The following NXPH1 variants were observed in gnomAD, a reference collection of about 807,000 sequenced individuals.
NXPH1 encodes the protein neurexophilin-1.
Under a neutral mutation model 23.7 loss-of-function variants are expected in NXPH1, and 5 were observed. That is an observed-to-expected ratio of 0.21 (90% CI 0.11 to 0.44). NXPH1 has a LOEUF of 0.44. Among genes scored for constraint, NXPH1 ranks in the 20% least tolerant of loss-of-function variants. NXPH1 has a pLI of 0.99. For synonymous variants in NXPH1, 144 were observed against 122.2 expected (o/e 1.18, Z -1.18); for missense variants, 324 against 321.6 (o/e 1.01, Z -0.06).
intron 2 of NXPH1, among the ~76,000 whole-genome samples, chr7:8,623,494 A>G (rs1819920112): frequency 6.6e-6 from 1 of 152,040 alleles, no homozygotes; most frequent in African/African-American, 2.4e-5. Context: ...AAAAAGATAA[A>G]AGAAACAGAG....
intron 2 of NXPH1, among the ~76,000 whole-genome samples, chr7:8,483,682 C>A (rs1056304327): frequency 1.3e-5 from 2 of 152,162 alleles, no homozygotes; most frequent in Admixed American, 6.5e-5. Flanking sequence ...TAAATCATGT[C>A]AGAGTGGGGT....
chr7:8,712,439 ACTC>A (rs1303088349), intron 2 of NXPH1, among the ~76,000 whole-genome samples: 1 of 152,058 alleles, frequency 6.6e-6, no homozygotes, highest in Non-Finnish European at 1.5e-5. Context: ...AGTAGCTTAA[ACTC>A]CTTCAAAAAG....
intron 2 of NXPH1, among the ~76,000 whole-genome samples, chr7:8,726,621 T>A (rs1780059029): frequency 6.7e-6 from 1 of 150,276 alleles, no homozygotes; most frequent in African/African-American, 2.5e-5. Flanking sequence ...TTACTGAGAA[T>A]GATGATTTCC....
intron 2 of NXPH1, among the ~76,000 whole-genome samples, chr7:8,531,165 C>T (rs1405016583): frequency 6.6e-6 from 1 of 152,130 alleles, no homozygotes; most frequent in Non-Finnish European, 1.5e-5. Flanking sequence ...CCTATTAAGC[C>T]ATGTAAAGTG....
intron 2 of NXPH1, among the ~76,000 whole-genome samples, chr7:8,505,931 G>A (rs1310560386): frequency 6.6e-6 from 1 of 151,968 alleles, no homozygotes; most frequent in African/African-American, 2.4e-5. Flanking sequence ...ACAGAAATGG[G>A]CCCAGACACC....
At chr7:8,652,581 C>T (rs892840527) in intron 2 of NXPH1, among the ~76,000 whole-genome samples, 3 of 152,216 alleles carry the variant, frequency 2.0e-5, no homozygotes, top group South Asian at 4.1e-4. Flanking sequence ...TTTTGAGCAC[C>T]TACTATGTGC....
At chr7:8,664,130 C>A (rs751812464) in intron 2 of NXPH1, among the ~76,000 whole-genome samples, 2 of 152,060 alleles carry the variant, frequency 1.3e-5, no homozygotes, top group African/African-American at 2.4e-5. Flanking sequence ...TATTTCCACT[C>A]ATTTTCTTCT....
chr7:8,614,207 T>G (rs1411414668), intron 2 of NXPH1, among the ~76,000 whole-genome samples: 4 of 151,938 alleles, frequency 2.6e-5, no homozygotes, highest in Non-Finnish European at 4.4e-5. Context: ...TGTTGTTGTT[T>G]TTACAACTAT....
At chr7:8,695,736 C>CT (rs1821298935) in intron 2 of NXPH1, among the ~76,000 whole-genome samples, 1 of 152,106 alleles carries the variant, frequency 6.6e-6, no homozygotes, top group Admixed American at 6.5e-5. Flanking sequence ...GCACTCAAAA[C>CT]TTTTTTATAA....
chr7:8,623,796 A>G (rs61650449), intron 2 of NXPH1, among the ~76,000 whole-genome samples: 48,686 of 149,518 alleles, frequency 0.33, 9,198 homozygotes, highest in African/African-American at 0.51. Context: ...ATCTGTATCT[A>G]TATTTACATG....
intron 2 of NXPH1, among the ~76,000 whole-genome samples, chr7:8,572,874 A>G (rs1818676751): frequency 6.6e-6 from 1 of 151,996 alleles, no homozygotes; most frequent in African/African-American, 2.4e-5. Context: ...GGGTCATTTG[A>G]GAAGGTCTTA....
chr7:8,621,040 G>T (rs1330603798), intron 2 of NXPH1, among the ~76,000 whole-genome samples: 1 of 152,148 alleles, frequency 6.6e-6, no homozygotes, highest in Non-Finnish European at 1.5e-5. Flanking sequence ...GAGGTAGGCT[G>T]GGGAAGAAGA....
At chr7:8,536,156 C>A (rs1818021952) in intron 2 of NXPH1, among the ~76,000 whole-genome samples, 2 of 151,970 alleles carry the variant, frequency 1.3e-5, no homozygotes, top group Non-Finnish European at 2.9e-5. Flanking sequence ...CTCTGTTAAC[C>A]TTTGCATTTT....
At chr7:8,441,678 A>G (rs975552017) in intron 2 of NXPH1, among the ~76,000 whole-genome samples, 4 of 152,170 alleles carry the variant, frequency 2.6e-5, no homozygotes, top group Non-Finnish European at 5.9e-5. Flanking sequence ...CTCAATTACT[A>G]TGCAAGCTTT....
At chr7:8,624,331 T>C (rs760527782) in intron 2 of NXPH1, among the ~76,000 whole-genome samples, 7 of 152,284 alleles carry the variant, frequency 4.6e-5, no homozygotes, top group South Asian at 2.1e-4. Flanking sequence ...AGCTTTCCAA[T>C]TGAACCTTGT....
chr7:8,454,253 T>C (rs534850039), intron 2 of NXPH1, among the ~76,000 whole-genome samples: 3 of 152,192 alleles, frequency 2.0e-5, no homozygotes, highest in African/African-American at 7.2e-5. Context: ...AAAAAGGAAT[T>C]TGTCGAATGG....
intron 2 of NXPH1, among the ~76,000 whole-genome samples, chr7:8,641,959 T>G (rs1820320954): frequency 6.6e-6 from 1 of 152,190 alleles, no homozygotes; most frequent in Non-Finnish European, 1.5e-5. Flanking sequence ...TAAGCTTCAT[T>G]TCTTCCCCTT....
intron 2 of NXPH1, among the ~76,000 whole-genome samples, chr7:8,734,292 T>C (rs1780207606): frequency 6.6e-6 from 1 of 152,210 alleles, no homozygotes; most frequent in Admixed American, 6.5e-5. Flanking sequence ...TAGTATAGCT[T>C]GAAGTCAGGT....
chr7:8,697,836 G>T lies in NXPH1; in HGVS notation c.55-53172G>T, dbSNP rs551658472. Among the ~76,000 whole-genome samples the T allele has an allele frequency of 1.3e-4, 20 of 152,270 alleles. No individual in the cohort carries two copies. The South Asian group carries it at 3.1e-3, about 24-fold the overall frequency. On this transcript the variant is annotated intron_variant, in intron 2 of 2. Transcript: ENST00000405863. ...ATAAGCTTGATGAATTTTAGGACCG[G>T]CAAGAGAGCCAGTGTGTTTGGAGAG...
Sources: gnomAD v4.1 joint callset for allele counts (sites outside exome capture counted in the v4.1 genomes callset) on GRCh38, gnomAD v4.1.1 for gene constraint, MANE v1.5 for transcripts, NCBI Gene and HGNC (gene_info 2026-07-23, HGNC 2026-07-21) for gene names.